The following MINDY3 variants were observed in gnomAD, a reference collection of about 807,000 sequenced individuals.
MINDY3 encodes MINDY lysine 48 deubiquitinase 3, also known as ubiquitin carboxyl-terminal hydrolase MINDY-3.
In MINDY3, 38 loss-of-function variants were observed where a neutral mutation model predicts 69.2. The ratio of observed to expected loss-of-function variants is 0.55; its 90% CI spans 0.42 to 0.72. The LOEUF is 0.72. Among genes scored for constraint, MINDY3 ranks in the 30% least tolerant of loss-of-function variants. MINDY3 has a pLI of 0.00. For synonymous variants in MINDY3, 192 were observed against 180.1 expected, an observed-to-expected ratio of 1.07 and a Z score of -0.53; for missense variants, 522 against 519.0, an observed-to-expected ratio of 1.01 and a Z score of -0.06.
At chr10:15,782,491 T>G (rs113526994) in intron 13 of MINDY3, among the ~76,000 whole-genome samples, 3 of 152,282 alleles carry the variant, frequency 2.0e-5, no homozygotes, top group African/African-American at 7.2e-5. Context: ...TTTTTTTAAT[T>G]ATGTGCATGT....
At chr10:15,847,236 T>C (rs557685960) in intron 2 of MINDY3, among the ~76,000 whole-genome samples, 25 of 152,350 alleles carry the variant, frequency 1.6e-4, no homozygotes, top group African/African-American at 6.0e-4. Context: ...TAACAGTTTA[T>C]AGCGAATCAG....
At chr10:15,798,781 AAAACAAAC>A (rs147975316) in intron 10 of MINDY3, among the ~76,000 whole-genome samples, 2 of 151,012 alleles carry the variant, frequency 1.3e-5, no homozygotes, top group East Asian at 2.0e-4. Flanking sequence ...CTCTGTCTCA[AAAACAAAC>A]AAACAAACAA....
At chr10:15,783,083 G>A (rs894666864) in intron 13 of MINDY3, among the ~76,000 whole-genome samples, 2 of 152,154 alleles carry the variant, frequency 1.3e-5, no homozygotes, top group Non-Finnish European at 2.9e-5. Flanking sequence ...CTGGAATTAA[G>A]GGAAGACAGC....
At chr10:15,797,854 C>G (rs555610607) in intron 10 of MINDY3, among the ~76,000 whole-genome samples, 1 of 152,118 alleles carries the variant, frequency 6.6e-6, no homozygotes. Context: ...ACCTTAGTTG[C>G]AGATTTCTAC....
intron 3 of MINDY3, among the ~76,000 whole-genome samples, chr10:15,842,515 T>C (rs117462331): frequency 6.6e-6 from 1 of 152,004 alleles, no homozygotes; most frequent in South Asian, 2.1e-4. Flanking sequence ...TTAAAACTTA[T>C]GGAAGTGATC....
At chr10:15,829,795 C>A (rs2132038583) in intron 8 of MINDY3, among the ~76,000 whole-genome samples, 1 of 152,296 alleles carries the variant, frequency 6.6e-6, no homozygotes, top group African/African-American at 2.4e-5. Flanking sequence ...GAGCAGCTAG[C>A]ATTTCTGTGC....
chr10:15,800,951 A>G (rs1012177630), intron 10 of MINDY3, among the ~76,000 whole-genome samples: 6 of 152,194 alleles, frequency 3.9e-5, no homozygotes, highest in Non-Finnish European at 8.8e-5. Context: ...AAGCTAAAGC[A>G]AAACAAAAGT....
At chr10:15,847,131 C>G (rs995075704) in intron 2 of MINDY3, among the ~76,000 whole-genome samples, 1 of 152,146 alleles carries the variant, frequency 6.6e-6, no homozygotes, top group African/African-American at 2.4e-5. Flanking sequence ...ATTTTTATAA[C>G]AGTTCTTTTA....
intron 1 of MINDY3, among the ~76,000 whole-genome samples, chr10:15,859,617 T>G (rs1489390784): frequency 6.6e-6 from 1 of 151,538 alleles, no homozygotes; most frequent in African/African-American, 2.5e-5. Flanking sequence ...ATTCCTTTTT[T>G]AACCGTGACA....
intron 14 of MINDY3, among the ~76,000 whole-genome samples, chr10:15,781,060 A>C (rs1052857811): frequency 2.0e-5 from 3 of 152,208 alleles, no homozygotes; most frequent in Admixed American, 2.0e-4. Flanking sequence ...AAAGCTGTGC[A>C]AACATCAAAC....
At chr10:15,807,449 T>C (rs906254132) in intron 10 of MINDY3, among the ~76,000 whole-genome samples, 2 of 152,176 alleles carry the variant, frequency 1.3e-5, no homozygotes, top group Non-Finnish European at 2.9e-5. Context: ...GCAAAGCATG[T>C]GCAAACACAC....
At chr10:15,789,393 T>G in intron 11 of MINDY3, 74 bp from the exon 12 acceptor site, 1 of 1,154,068 alleles carries the variant, frequency 8.7e-7, no homozygotes, top group Non-Finnish European at 1.3e-6. Context: ...CTGATCAGGT[T>G]CCAGGAAAAA....
rs546809542 is a variant in MINDY3 at position 15,834,461 on chromosome 10, T to A, written c.650+82A>T. On this transcript the variant is annotated intron_variant, in intron 7 of 14. Coordinates refer to ENST00000277632, the MANE Select transcript of MINDY3 (RefSeq NM_024948.4). ...CAACACTACTGACAAACAAAATTAC[T>A]TGACTCAGTCATGTTTTATCTGAAG... is the stretch of plus-strand genomic sequence containing the variant. 7.4e-6 allele frequency: 7 copies of A among 948,714 alleles called. No individual in the cohort carries two copies. In the African/African-American group the frequency reaches 8.2e-5, roughly 11 times the overall value. 58.8% of individuals were successfully genotyped at this position (948,714 alleles called of 1,614,324 possible). A position where few individuals can be genotyped will look rare whatever the true frequency, so the allele number is the denominator to read the frequency against.
At position 15,786,636 on chromosome 10, in the gene MINDY3, C is replaced by T; in HGVS notation, c.1041G>A (p.Met347Ile). Reference sequence around the variant, plus strand: ...ATCCTTCTGGATCTAATTTATTCTTCATGAGATTTATACTACGGGGAGAAA... The same window carrying T: ...ATCCTTCTGGATCTAATTTATTCTTTATGAGATTTATACTACGGGGAGAAA... ...LVSDPEYINL[M>I]KNKLDPEGLG... The change falls in exon 13 of 15, where the codon ATG (methionine) becomes ATA (isoleucine). Residue 347 changes from methionine (M) to isoleucine (I), a missense_variant. Met to Ile is a conservative substitution (Grantham distance 10). Coordinates refer to ENST00000277632, the MANE Select transcript of MINDY3 (RefSeq NM_024948.4). 1.9e-6 allele frequency: 3 copies of T among 1,573,936 alleles called. No individual in the cohort carries two copies. Among genetic ancestry groups the T allele is most frequent in the African/African-American group, 1.4e-5 (1 of 73,856 alleles).
At chr10:15,843,673 G>A (rs1833634676) in intron 2 of MINDY3, among the ~76,000 whole-genome samples, 1 of 152,062 alleles carries the variant, frequency 6.6e-6, no homozygotes, top group Non-Finnish European at 1.5e-5. Context: ...AAGTGGTTCT[G>A]TTCCCTTAGT....
chr10:15,789,515 G>A (rs1230982355), intron 11 of MINDY3, among the ~76,000 whole-genome samples, 196 bp from the exon 12 acceptor site: 1 of 152,014 alleles, frequency 6.6e-6, no homozygotes, highest in Non-Finnish European at 1.5e-5. Context: ...GGAAACATCG[G>A]CAAATACTTA....
At chr10:15,819,798 T>C (rs560046738) in intron 9 of MINDY3, among the ~76,000 whole-genome samples, 11 of 152,198 alleles carry the variant, frequency 7.2e-5, no homozygotes, top group Non-Finnish European at 1.5e-4. Flanking sequence ...TTTAAAACCA[T>C]AGTTAACTGC....
intron 8 of MINDY3, among the ~76,000 whole-genome samples, chr10:15,827,553 T>C (rs1020843879): frequency 6.8e-6 from 1 of 148,134 alleles, no homozygotes. Flanking sequence ...AATAAATAAA[T>C]AAATAAATAA....
rs1174558574 is a variant in MINDY3 at position 15,841,611 on chromosome 10, C to G, written c.236-12G>C. 1 of 1,577,092 alleles carries G rather than the reference C, an allele frequency of 6.3e-7. No individual in the cohort carries two copies. The highest frequency in any genetic ancestry group is 1.4e-5 in the African/African-American group (1 of 73,468). On this transcript the variant is annotated splice_polypyrimidine_tract_variant and intron_variant, in intron 3 of 14. Transcript: ENST00000277632. ...CTTCTGCTCTTCCTCTAAAAATAAC[C>G]AAAGCATAAGTTATAATGGTTTCCT... is the stretch of plus-strand genomic sequence containing the variant.
Sources: allele counts gnomAD v4.1 joint callset (sites outside exome capture counted in the v4.1 genomes callset), GRCh38; gene constraint gnomAD v4.1.1; transcripts MANE v1.5; gene names NCBI Gene and HGNC (gene_info 2026-07-23, HGNC 2026-07-21).